Variants in FHIT observed in about 807,000 individuals in gnomAD.
FHIT encodes fragile histidine triad diadenosine triphosphatase.
Under a neutral mutation model 17.9 loss-of-function variants are expected in FHIT, and 19 were observed. The ratio of observed to expected loss-of-function variants is 1.06; its 90% CI spans 0.74 to 1.56. The LOEUF is 1.56. FHIT is among the 40% of genes most tolerant of loss of function. FHIT has a pLI of 0.00. For synonymous variants in FHIT, 81 were observed against 69.7 expected (o/e 1.16, Z -0.81); for missense variants, 248 against 189.2 (o/e 1.31, Z -1.82).
chr3:59,954,570 T>C (rs1707300250), intron 7 of FHIT, among the ~76,000 whole-genome samples: 1 of 152,152 alleles, frequency 6.6e-6, no homozygotes, highest in Non-Finnish European at 1.5e-5. Context: ...CAAAAGAAGA[T>C]GAGGCTAAGG....
intron 4 of FHIT, among the ~76,000 whole-genome samples, chr3:60,565,956 T>A (rs1031722642): frequency 6.6e-6 from 1 of 152,210 alleles, no homozygotes; most frequent in Non-Finnish European, 1.5e-5. Context: ...TTCTGGTATG[T>A]TGTGTCTTTG....
intron 7 of FHIT, among the ~76,000 whole-genome samples, chr3:59,981,493 A>G (rs1467992320): frequency 6.6e-6 from 1 of 152,160 alleles, no homozygotes; most frequent in Non-Finnish European, 1.5e-5. Context: ...AATGTAGGCC[A>G]TCAGTGGGGA....
At chr3:60,364,143 TG>T (rs1370895949) in intron 5 of FHIT, among the ~76,000 whole-genome samples, 2 of 152,222 alleles carry the variant, frequency 1.3e-5, no homozygotes, top group African/African-American at 4.8e-5. Flanking sequence ...TGGTCCCTCT[TG>T]GAACTCTGAT....
chr3:60,298,310 T>C (rs1193803747), intron 5 of FHIT, among the ~76,000 whole-genome samples: 3 of 152,056 alleles, frequency 2.0e-5, no homozygotes, highest in Admixed American at 6.6e-5. Flanking sequence ...TTATACCACA[T>C]AGTTGGTTCT....
intron 5 of FHIT, among the ~76,000 whole-genome samples, chr3:60,138,022 GTTC>G (rs1381103662): frequency 2.0e-5 from 3 of 152,136 alleles, no homozygotes; most frequent in Non-Finnish European, 4.4e-5. Context: ...CTAGTTTGAT[GTTC>G]TTAACCTTGT....
intron 4 of FHIT, among the ~76,000 whole-genome samples, chr3:60,755,539 G>T (rs1200163004): frequency 6.6e-6 from 1 of 152,154 alleles, no homozygotes; most frequent in Non-Finnish European, 1.5e-5. Context: ...ACATGAAGCT[G>T]ACTGATAAAT....
At chr3:59,971,636 T>C (rs1708188123) in intron 7 of FHIT, among the ~76,000 whole-genome samples, 1 of 152,152 alleles carries the variant, frequency 6.6e-6, no homozygotes, top group African/African-American at 2.4e-5. Flanking sequence ...CAATACCATG[T>C]GCATCAACCA....
intron 5 of FHIT, among the ~76,000 whole-genome samples, chr3:60,091,664 C>T (rs1240688854): frequency 2.6e-5 from 4 of 152,136 alleles, no homozygotes; most frequent in East Asian, 1.9e-4. Flanking sequence ...CGGTTTCTCA[C>T]GAATGGTTTC....
At chr3:60,550,314 A>C (rs1173484358) in intron 4 of FHIT, among the ~76,000 whole-genome samples, 1 of 140,456 alleles carries the variant, frequency 7.1e-6, no homozygotes, top group African/African-American at 2.7e-5. Context: ...CACAGGAGAC[A>C]GTAGAAGAGG....
At chr3:60,513,935 A>G (rs1303806201) in intron 5 of FHIT, among the ~76,000 whole-genome samples, 8 of 152,316 alleles carry the variant, frequency 5.3e-5, no homozygotes, top group Admixed American at 1.3e-4. Flanking sequence ...AGAAGAGGAG[A>G]GAAGTGTCTG....
chr3:60,304,780 T>C (rs1454329546), intron 5 of FHIT, among the ~76,000 whole-genome samples: 1 of 152,156 alleles, frequency 6.6e-6, no homozygotes, highest in Non-Finnish European at 1.5e-5. Context: ...AGAAGCTGGA[T>C]TTAAAATTTC....
At chr3:60,697,161 T>G (rs1428907722) in intron 4 of FHIT, among the ~76,000 whole-genome samples, 1 of 152,160 alleles carries the variant, frequency 6.6e-6, no homozygotes, top group African/African-American at 2.4e-5. Context: ...TTATATAAAA[T>G]TTAAAATATA....
chr3:61,182,948 A>G (rs1262733871), intron 2 of FHIT, among the ~76,000 whole-genome samples: 1 of 152,202 alleles, frequency 6.6e-6, no homozygotes, highest in Non-Finnish European at 1.5e-5. Context: ...GAGCTCACAA[A>G]TTATCCATCA....
intron 5 of FHIT, among the ~76,000 whole-genome samples, chr3:60,311,651 T>C (rs28557335): frequency 0.42 from 64,246 of 152,108 alleles, 14,418 homozygotes; most frequent in East Asian, 0.88. Context: ...TTAGGACCAA[T>C]GCATAATTGC....
At chr3:59,919,659 T>G (rs961941065) in intron 8 of FHIT, among the ~76,000 whole-genome samples, 2 of 152,234 alleles carry the variant, frequency 1.3e-5, no homozygotes, top group African/African-American at 4.8e-5. Context: ...GGCATAATTT[T>G]CTATGTCTGC....
Position 60,312,507 on chromosome 3 carries a change from C to T in FHIT, c.103+224353G>A, listed in dbSNP as rs561443634. Among the ~76,000 whole-genome samples, 46 of 152,166 alleles carry T rather than the reference C, an allele frequency of 3.0e-4. No individual in the cohort carries two copies. In the South Asian group the frequency reaches 8.5e-3, roughly 28 times the overall value. On this transcript the variant is annotated intron_variant, in intron 5 of 9. Coordinates refer to ENST00000492590, the MANE Select transcript of FHIT (RefSeq NM_002012.4). ...TTTAAAGAACTCCATTAGAACTAACCCAAAACCAGTGGTCATTCTACCAGG... is the reference window on the plus strand; with the variant it reads ...TTTAAAGAACTCCATTAGAACTAACTCAAAACCAGTGGTCATTCTACCAGG...
intron 4 of FHIT, among the ~76,000 whole-genome samples, chr3:60,743,212 A>G (rs1211039436): frequency 6.6e-6 from 1 of 152,254 alleles, no homozygotes; most frequent in Non-Finnish European, 1.5e-5. Context: ...CAAAGTGAGA[A>G]TACACAGCTT....
intron 5 of FHIT, among the ~76,000 whole-genome samples, chr3:60,155,492 T>A (rs534329434): frequency 6.6e-6 from 1 of 152,172 alleles, no homozygotes; most frequent in Non-Finnish European, 1.5e-5. Context: ...TCCCCAATTC[T>A]GACAATAACA....
rs189093229 is a variant in FHIT, at chr3:60,424,772, T to C, written c.103+112088A>G. ...TAGAAGAGCAACTTTTAATGTAGCATTGTGAAAAGAAAAAAAAATGCTATA... is the reference window on the plus strand; with the variant it reads ...TAGAAGAGCAACTTTTAATGTAGCACTGTGAAAAGAAAAAAAAATGCTATA... On this transcript the variant is annotated intron_variant, in intron 5 of 9. Transcript: ENST00000492590. Among the ~76,000 whole-genome samples the C allele has an allele frequency of 5.4e-4, 82 of 152,174 alleles. 1 individual carries two copies. Among genetic ancestry groups the C allele is most frequent in the African/African-American group, 2.0e-3 (82 of 41,550 alleles).
Sources: allele counts gnomAD v4.1 joint callset (sites outside exome capture counted in the v4.1 genomes callset), GRCh38; gene constraint gnomAD v4.1.1; transcripts MANE v1.5; gene names NCBI Gene and HGNC (gene_info 2026-07-23, HGNC 2026-07-21).